Variants in FRK observed in about 807,000 individuals in gnomAD.
FRK encodes fyn related Src family tyrosine kinase.
Under a neutral mutation model 56.4 loss-of-function variants are expected in FRK, and 51 were observed. The ratio of observed to expected loss-of-function variants is 0.90; its 90% confidence interval spans 0.72 to 1.14. FRK has a LOEUF of 1.14. Ranked by LOEUF, FRK falls within the 50% of genes most tolerant of loss-of-function variation. FRK has a pLI of 0.00. For missense variants in FRK, 570 were observed against 601.4 expected (o/e 0.95, Z 0.55); for synonymous variants, 245 against 217.9 (o/e 1.12, Z -1.10).
the FRK span, among the ~76,000 whole-genome samples, chr6:116,091,769 G>A: frequency 2.6e-5 from 4 of 152,118 alleles, no homozygotes; most frequent in South Asian, 2.1e-4. Flanking sequence ...GACAACCCCC[G>A]GCTCTTTGGA....
At chr6:115,951,453 A>G (rs1368162986) in intron 5 of FRK, among the ~76,000 whole-genome samples, 3 of 152,206 alleles carry the variant, frequency 2.0e-5, no homozygotes, top group East Asian at 3.8e-4. Flanking sequence ...TAGATGTTCT[A>G]TAAGTATTTA....
intron 4 of FRK, among the ~76,000 whole-genome samples, chr6:115,966,725 T>C (rs1417489736): frequency 1.3e-5 from 2 of 152,210 alleles, no homozygotes; most frequent in Admixed American, 6.5e-5. Flanking sequence ...TTATAGACTG[T>C]CACTTCCATG....
rs1246633197 is a variant in FRK, at chr6:115,931,723, AG to A, written c.*10690del. On this transcript the variant is annotated 3_prime_UTR_variant, in exon 8 of 8. Coordinates refer to ENST00000606080, the MANE Select transcript of FRK (RefSeq NM_002031.3). Reference sequence around the variant, plus strand: ...AAATGTAACTTGGTTAATACCAAGCAGTTTTCTTTTTCACAAATAGTATAAT... The same window carrying A: ...AAATGTAACTTGGTTAATACCAAGCATTTTCTTTTTCACAAATAGTATAAT... 1 of 152,222 alleles carries A rather than the reference AG, an allele frequency of 6.6e-6. No homozygotes were observed. Among genetic ancestry groups the A allele is most frequent in the African/African-American group, 2.4e-5 (1 of 41,470 alleles). The allele number at this position is 152,222 out of a possible 1,614,324, so 9.4% of individuals were successfully genotyped here. A position where few individuals can be genotyped will look rare whatever the true frequency, so the allele number is the denominator to read the frequency against.
At chr6:116,041,650 G>A (rs1320947942) in intron 1 of FRK, among the ~76,000 whole-genome samples, 1 of 152,098 alleles carries the variant, frequency 6.6e-6, no homozygotes, top group Non-Finnish European at 1.5e-5. Context: ...AGGGGTCAGG[G>A]AACTCCTTAC....
At chr6:115,992,440 T>C (rs543897240) in intron 2 of FRK, among the ~76,000 whole-genome samples, 4 of 151,782 alleles carry the variant, frequency 2.6e-5, no homozygotes, top group African/African-American at 4.8e-5. Context: ...AGTGCTATGA[T>C]AAATGAGTAA....
chr6:115,938,855 A>T lies in FRK; in HGVS notation c.*3559T>A, dbSNP rs1339353853. 6.6e-6 allele frequency: 1 copy of T among 152,198 alleles called. No homozygotes were observed. The highest frequency in any genetic ancestry group is 2.1e-4 in the South Asian group (1 of 4,828). 9.4% of individuals were successfully genotyped at this position (152,198 alleles called of 1,614,324 possible). A position where few individuals can be genotyped will look rare whatever the true frequency, so the allele number is the denominator to read the frequency against. On this transcript the variant is annotated 3_prime_UTR_variant, in exon 8 of 8. Coordinates refer to ENST00000606080, the MANE Select transcript of FRK (RefSeq NM_002031.3). ...ATAGCCTACCAACCAAAAAAAGTCC[A>T]GGACCAGATAGATTCACAGCCGAAT... is the stretch of plus-strand genomic sequence containing the variant.
Position 116,009,549 on chromosome 6 carries a change from C to G in FRK, c.345-5551G>C, listed in dbSNP as rs562672558. Among the ~76,000 whole-genome samples the G allele has an allele frequency of 1.2e-3, 190 of 152,294 alleles. 1 individual carries two copies. Among genetic ancestry groups the G allele is most frequent in the African/African-American group, 4.5e-3 (186 of 41,560 alleles). ...AAATAATACCACAACTACTCACACA[C>G]ACACAGTTTATTGATATTTTAAAAA... On this transcript the variant is annotated intron_variant, in intron 1 of 7. Transcript: ENST00000606080.
the FRK span, among the ~76,000 whole-genome samples, chr6:116,083,896 A>G: frequency 6.6e-6 from 1 of 151,838 alleles, no homozygotes; most frequent in African/African-American, 2.4e-5. Flanking sequence ...CCTAGACTCA[A>G]GTGATTGTCC....
At chr6:115,954,165 A>G (rs1179687327) in intron 5 of FRK, among the ~76,000 whole-genome samples, 1 of 152,212 alleles carries the variant, frequency 6.6e-6, no homozygotes. Flanking sequence ...GGCAGAGGAA[A>G]TAACGAGTGA....
intron 1 of FRK, among the ~76,000 whole-genome samples, chr6:116,036,564 G>A (rs2114775560): frequency 6.6e-6 from 1 of 152,210 alleles, no homozygotes; most frequent in African/African-American, 2.4e-5. Context: ...GTACAATGAT[G>A]CAATAGAAAT....
At chr6:115,970,209 G>C (rs1773750022) in intron 2 of FRK, among the ~76,000 whole-genome samples, 1 of 151,976 alleles carries the variant, frequency 6.6e-6, no homozygotes, top group African/African-American at 2.4e-5. Flanking sequence ...AGGAAGTGGA[G>C]TGACTTCCCA....
chr6:115,979,927 C>CCA (rs1244428791), intron 2 of FRK, among the ~76,000 whole-genome samples: 1 of 152,016 alleles, frequency 6.6e-6, no homozygotes, highest in Non-Finnish European at 1.5e-5. Flanking sequence ...AATGGACTCA[C>CCA]CTAATGGCAC....
intron 1 of FRK, among the ~76,000 whole-genome samples, chr6:116,048,414 C>G (rs533446239): frequency 1.3e-5 from 2 of 152,326 alleles, no homozygotes; most frequent in East Asian, 3.9e-4. Context: ...GAGACAGGGT[C>G]TTGCCCTTTC....
intron 2 of FRK, among the ~76,000 whole-genome samples, chr6:115,997,543 TCTC>T (rs1562277495): frequency 6.6e-6 from 1 of 151,874 alleles, no homozygotes; most frequent in African/African-American, 2.4e-5. Flanking sequence ...CCGTAAATCA[TCTC>T]CTCCTTAATA....
chr6:115,979,194 G>T (rs1047418277), intron 2 of FRK, among the ~76,000 whole-genome samples: 7 of 152,072 alleles, frequency 4.6e-5, no homozygotes, highest in African/African-American at 1.7e-4. Context: ...GGAGAGGACA[G>T]CTCCATGGGT....
intron 2 of FRK, among the ~76,000 whole-genome samples, chr6:115,996,135 G>T (rs1774830490): frequency 6.6e-6 from 1 of 152,044 alleles, no homozygotes; most frequent in East Asian, 1.9e-4. Context: ...ATAAATTCAA[G>T]GAGCAATATT....
At chr6:115,978,830 G>A (rs1363761167) in intron 2 of FRK, among the ~76,000 whole-genome samples, 1 of 151,920 alleles carries the variant, frequency 6.6e-6, no homozygotes, top group Non-Finnish European at 1.5e-5. Context: ...TATATTTTTT[G>A]TTATTATTTG....
At chr6:115,980,350 T>G (rs1176142123) in intron 2 of FRK, among the ~76,000 whole-genome samples, 3 of 151,226 alleles carry the variant, frequency 2.0e-5, no homozygotes, top group Non-Finnish European at 2.9e-5. Flanking sequence ...AAGAAAAATA[T>G]GTAAAATGTA....
chr6:116,015,107 T>C (rs937496578), intron 1 of FRK, among the ~76,000 whole-genome samples: 5 of 152,198 alleles, frequency 3.3e-5, no homozygotes, highest in African/African-American at 1.2e-4. Context: ...ATTCAAAATT[T>C]ACTTATTGAT....
Sources: allele counts gnomAD v4.1 joint callset (sites outside exome capture counted in the v4.1 genomes callset), GRCh38; gene constraint gnomAD v4.1.1; transcripts MANE v1.5; gene names NCBI Gene and HGNC (gene_info 2026-07-23, HGNC 2026-07-21).